Variants in NRXN2 observed in about 807,000 individuals in gnomAD.
NRXN2 encodes the protein neurexin-2-beta.
In NRXN2, 29 loss-of-function variants were observed where a neutral mutation model predicts 128.8. The observed-to-expected ratio is 0.23, with a 90% CI of 0.17 to 0.31. The LOEUF is 0.31. Among genes scored for constraint, NRXN2 ranks in the 10% least tolerant of loss-of-function variants. NRXN2 has a pLI of 1.00. For synonymous variants in NRXN2, 1,098 were observed against 1,075.2 expected, an observed-to-expected ratio of 1.02 and a Z score of -0.41; for missense variants, 1,881 against 2,452.6, an observed-to-expected ratio of 0.77 and a Z score of 4.92.
chr11:64,698,763 G>A (rs902410364), intron 2 of NRXN2, among the ~76,000 whole-genome samples: 5 of 152,308 alleles, frequency 3.3e-5, no homozygotes, highest in African/African-American at 7.2e-5. Context: ...ATGGAACAAC[G>A]AGAAGATGGA....
Position 64,677,401 on chromosome 11 carries a change from G to A in NRXN2, c.1153-364C>T, listed in dbSNP as rs141181207. On this transcript the variant is annotated intron_variant, in intron 6 of 22. Coordinates refer to ENST00000265459, the MANE Select transcript of NRXN2 (RefSeq NM_015080.4). The stretch of plus-strand genomic sequence containing the variant: ...TCTGCAGAGAAGGGGAACAGTTAGA[G>A]ACCTTGGTTAGTAGAGAAGAAAACA... 2.7e-3 allele frequency among the ~76,000 whole-genome samples: 405 copies of A among 151,736 alleles called. 1 individual carries two copies. The highest frequency in any genetic ancestry group is 9.1e-3 in the African/African-American group (377 of 41,346).
intron 1 of NRXN2, among the ~76,000 whole-genome samples, chr11:64,718,407 C>G (rs1003248019): frequency 5.3e-5 from 8 of 152,190 alleles, no homozygotes; most frequent in African/African-American, 1.9e-4. Context: ...CAGCAGGGGC[C>G]TCCTCCAGGC....
At chr11:64,673,951 T>C (rs2050958542) in intron 7 of NRXN2, among the ~76,000 whole-genome samples, 1 of 151,560 alleles carries the variant, frequency 6.6e-6, no homozygotes, top group South Asian at 2.1e-4. Flanking sequence ...GGCATAAGAA[T>C]TGCTTTAACC....
intron 22 of NRXN2, among the ~76,000 whole-genome samples, chr11:64,613,493 T>A (rs1435750822): frequency 2.0e-5 from 3 of 152,242 alleles, no homozygotes. Context: ...GACTGAGTAG[T>A]GGGCACTGCC....
chr11:64,641,823 G>A (rs544678607), intron 17 of NRXN2, among the ~76,000 whole-genome samples: 1 of 152,074 alleles, frequency 6.6e-6, no homozygotes, highest in Non-Finnish European at 1.5e-5. Context: ...GAGATGCTGG[G>A]GGTCAGAGGT....
chr11:64,688,283 T>C, intron 5 of NRXN2: 1 of 985,180 alleles, frequency 1.0e-6, no homozygotes, highest in Non-Finnish European at 1.2e-6. Context: ...CGGGCTCCAG[T>C]CCCTTTACCA....
rs751014357 is a variant in NRXN2, at chr11:64,661,056, G to A, written c.1882C>T (p.Leu628=). The A allele has an allele frequency of 1.2e-6, 2 of 1,613,526 alleles. No homozygotes were observed. The highest frequency in any genetic ancestry group is 1.7e-6 in the Non-Finnish European group (2 of 1,180,026). ...CGGCCCCCCTCAGGGAGACCGCCCA[G>A]GTACAGCTCACTCTCCAGGTCCAGA... ...EILDLESELY[L]GGLPEGGRVD... The change falls in exon 10 of 23, where the codon CTG becomes TTG. Residue 628 remains leucine, a synonymous_variant. Transcript: ENST00000265459.
At position 64,642,237 on chromosome 11, in the gene NRXN2, G is replaced by A. The variant is rs1455005421; in HGVS notation, c.3403+5982C>T. Among the ~76,000 whole-genome samples, 9 of 152,110 alleles carry A rather than the reference G, an allele frequency of 5.9e-5. No individual in the cohort carries two copies. In the Middle Eastern group the frequency reaches 0.024, roughly 402 times the overall value. Reference sequence around the variant, plus strand: ...ATGAAAGGACAGACAGGGCGGGGAGGGTAAGGAAGTAGAAGGAGATAATGA... The same window carrying A: ...ATGAAAGGACAGACAGGGCGGGGAGAGTAAGGAAGTAGAAGGAGATAATGA... On this transcript the variant is annotated intron_variant, in intron 17 of 22. Coordinates refer to ENST00000265459, the MANE Select transcript of NRXN2 (RefSeq NM_015080.4).
At chr11:64,708,080 A>G (rs1376427964) in intron 2 of NRXN2, among the ~76,000 whole-genome samples, 1 of 151,296 alleles carries the variant, frequency 6.6e-6, no homozygotes, top group Non-Finnish European at 1.5e-5. Flanking sequence ...CCTGGGCAAC[A>G]GGAGCGAAAC....
rs2052965231 is a variant in NRXN2, at chr11:64,685,854, G to T, written c.944C>A (p.Thr315Lys). 1 of 1,614,134 alleles carries T rather than the reference G, an allele frequency of 6.2e-7. No homozygotes were observed. Among genetic ancestry groups the T allele is most frequent in the Non-Finnish European group, 8.5e-7 (1 of 1,180,058 alleles). ...NPIQSSTDEI[T>K]LAFRTLQRNG... The stretch of plus-strand genomic sequence containing the variant: ...GCGTTGCAGGGTGCGGAAGGCCAGT[G>T]TGATCTCATCAGTGCTGCTCTGGAT... Residue 315 changes from threonine (T) to lysine (K), a missense_variant, in exon 6 of 23, where the codon ACA (threonine) becomes AAA (lysine). Coordinates refer to ENST00000265459, the MANE Select transcript of NRXN2 (RefSeq NM_015080.4).
At chr11:64,670,524 C>G (rs976696919) in intron 7 of NRXN2, among the ~76,000 whole-genome samples, 1 of 152,092 alleles carries the variant, frequency 6.6e-6, no homozygotes, top group African/African-American at 2.4e-5. Context: ...CCATCCAGCC[C>G]TCCACCTCCA....
chr11:64,718,100 G>C (rs2057345196), intron 1 of NRXN2, among the ~76,000 whole-genome samples: 1 of 152,160 alleles, frequency 6.6e-6, no homozygotes, highest in Admixed American at 6.5e-5. Context: ...AAAGTCGCTG[G>C]CCTTCCCTTC....
chr11:64,718,294 C>A (rs2057349813), intron 1 of NRXN2, among the ~76,000 whole-genome samples: 1 of 152,198 alleles, frequency 6.6e-6, no homozygotes, highest in South Asian at 2.1e-4. Context: ...CCCACACACA[C>A]AAACACACGC....
chr11:64,692,389 A>T (rs1227405455), intron 4 of NRXN2, among the ~76,000 whole-genome samples: 1 of 151,942 alleles, frequency 6.6e-6, no homozygotes, highest in Non-Finnish European at 1.5e-5. Context: ...ACTGCCTAAG[A>T]CCCTCTTTCT....
Position 64,630,636 on chromosome 11 carries a change from T to C in NRXN2, c.3586-63A>G, listed in dbSNP as rs763373689. On this transcript the variant is annotated intron_variant, in intron 18 of 22. Coordinates refer to ENST00000265459, the MANE Select transcript of NRXN2 (RefSeq NM_015080.4). This position sits in a 1 kb window ranked among gnomAD's most constrained non-coding sequence, Gnocchi z 4.6. ...GCAACCATTCATCCCTTCTAGTGGC[T>C]ACTCCTGTGACCACCACTAGCCCAG... The C allele has an allele frequency of 1.0e-4, 161 of 1,582,094 alleles. 3 individuals are homozygous for C. The South Asian group carries it at 1.6e-3, about 16-fold the overall frequency.
At chr11:64,697,897 C>A in intron 2 of NRXN2, 105 bp from the exon 3 acceptor site, 1 of 1,333,318 alleles carries the variant, frequency 7.5e-7, no homozygotes, top group Non-Finnish European at 1.1e-6. Flanking sequence ...GAGAGGAGTC[C>A]AAGCCCACCC....
In NRXN2 at chr11:64,704,623, C is replaced by CACAGAG. The variant is rs1336665936; in HGVS notation, c.731-6832_731-6831insCTCTGT. Among the ~76,000 whole-genome samples, 324 of 81,178 alleles carry CACAGAG rather than the reference C, an allele frequency of 4.0e-3. 2 individuals are homozygous for CACAGAG. Among genetic ancestry groups the CACAGAG allele is most frequent in the Middle Eastern group, 8.8e-3 (1 of 114 alleles). The allele number at this position is 81,178 out of a possible 152,430, so 53.3% of individuals were successfully genotyped here. ...TCACACACACACACACACACACACA[C>CACAGAG]AGAGAGAGAGAGAGAGAGAGAGAGA... is the stretch of plus-strand genomic sequence containing the variant. On this transcript the variant is annotated intron_variant, in intron 2 of 22. Transcript: ENST00000265459.
At position 64,668,684 on chromosome 11, in the gene NRXN2, G is replaced by T. The variant is rs1229147604; in HGVS notation, c.1198-80C>A. 4 of 1,519,394 alleles carry T rather than the reference G, an allele frequency of 2.6e-6. No individual in the cohort carries two copies. In the African/African-American group the frequency reaches 5.5e-5, roughly 21 times the overall value. 94.1% of individuals were successfully genotyped at this position (1,519,394 alleles called of 1,614,324 possible). A position where few individuals can be genotyped will look rare whatever the true frequency, so the allele number is the denominator to read the frequency against. On this transcript the variant is annotated intron_variant, in intron 7 of 22. Transcript: ENST00000265459. ...TAGGAAGAGCTACGGCTAGGCAAAG[G>T]AGGGGCCAGAGGGCAGCAGGGGAGG...
chr11:64,618,935 C>G (rs1002371538), intron 22 of NRXN2, among the ~76,000 whole-genome samples: 1 of 152,192 alleles, frequency 6.6e-6, no homozygotes, highest in Non-Finnish European at 1.5e-5. Context: ...GCCCCAGAAA[C>G]CCCTCTGCCC....
Sources: gnomAD v4.1 joint callset for allele counts (sites outside exome capture counted in the v4.1 genomes callset) on GRCh38, gnomAD v4.1.1 for gene constraint, Gnocchi (gnomAD v3.1) non-coding constraint, MANE v1.5 for transcripts, NCBI Gene and HGNC (gene_info 2026-07-23, HGNC 2026-07-21) for gene names.